Variants in MINDY4 observed in about 807,000 individuals in gnomAD.
The protein encoded by MINDY4 is MINDY lysine 48 deubiquitinase 4.
MINDY4 carries 68 observed loss-of-function variants against 87.0 expected under a neutral mutation model. The ratio of observed to expected loss-of-function variants is 0.78; its 90% CI spans 0.64 to 0.96. The LOEUF (loss-of-function observed/expected upper bound fraction) is 0.96. Among genes scored for constraint, MINDY4 ranks in the 40% least tolerant of loss-of-function variants. The pLI is 0.00. For missense variants in MINDY4, 919 were observed against 928.2 expected (o/e 0.99, Z 0.13); for synonymous variants, 379 against 363.2 (o/e 1.04, Z -0.50).
intron 5 of MINDY4, among the ~76,000 whole-genome samples, chr7:30,812,345 G>A (rs1353838483): frequency 6.6e-6 from 1 of 152,006 alleles, no homozygotes; most frequent in Non-Finnish European, 1.5e-5. Flanking sequence ...GTCACTATAA[G>A]TGAAGGGTAT....
At chr7:30,776,752 G>A (rs1786830333) in intron 1 of MINDY4, among the ~76,000 whole-genome samples, 1 of 152,178 alleles carries the variant, frequency 6.6e-6, no homozygotes, top group Non-Finnish European at 1.5e-5. Flanking sequence ...CTCCCTCGTA[G>A]TGCATATTAG....
At chr7:30,853,113 C>T (rs1283951899) in intron 11 of MINDY4, among the ~76,000 whole-genome samples, 1 of 152,212 alleles carries the variant, frequency 6.6e-6, no homozygotes, top group African/African-American at 2.4e-5. Context: ...GCAGCCCTCC[C>T]CTGTTGGGGC....
intron 5 of MINDY4, among the ~76,000 whole-genome samples, chr7:30,812,025 TC>T (rs933558823): frequency 6.6e-6 from 1 of 152,210 alleles, no homozygotes; most frequent in African/African-American, 2.4e-5. Flanking sequence ...GATTTATTAT[TC>T]TTCTTTTTAA....
At chr7:30,776,519 CTTG>C (rs764083525) in intron 1 of MINDY4, among the ~76,000 whole-genome samples, 15 of 152,308 alleles carry the variant, frequency 9.8e-5, no homozygotes, top group South Asian at 4.1e-4. Context: ...TCATACTATA[CTTG>C]TTGTCTCTCC....
intron 5 of MINDY4, among the ~76,000 whole-genome samples, chr7:30,812,242 A>G (rs1278639597): frequency 7.1e-6 from 1 of 140,494 alleles, no homozygotes; most frequent in Non-Finnish European, 1.5e-5. Flanking sequence ...ATCGTTCAGC[A>G]AAAAGAAAAA....
At chr7:30,840,656 G>A (rs1401796678) in intron 8 of MINDY4, 104 bp from the exon 9 acceptor site, 1 of 874,108 alleles carries the variant, frequency 1.1e-6, no homozygotes, top group Admixed American at 2.3e-5. Flanking sequence ...CAGAAGGCAG[G>A]GCCCCTTTAC....
intron 6 of MINDY4, among the ~76,000 whole-genome samples, chr7:30,832,609 A>C (rs1788738823): frequency 6.6e-6 from 1 of 152,074 alleles, no homozygotes; most frequent in South Asian, 2.1e-4. Context: ...TCCTGGGTTC[A>C]AGTGATTCTC....
chr7:30,795,735 G>A (rs1283936108), intron 5 of MINDY4, among the ~76,000 whole-genome samples: 3 of 152,176 alleles, frequency 2.0e-5, no homozygotes, highest in South Asian at 4.1e-4. Flanking sequence ...ATTCCTTCTG[G>A]AGCCTCTAGG....
intron 5 of MINDY4, among the ~76,000 whole-genome samples, chr7:30,828,319 TG>T (rs1279441388): frequency 1.4e-5 from 1 of 73,720 alleles, no homozygotes; most frequent in African/African-American, 8.6e-5. Context: ...GAACTCGATT[TG>T]TGTGTGTGTG....
intron 2 of MINDY4, 104 bp downstream of exon 2, chr7:30,778,655 G>C: frequency 7.3e-7 from 1 of 1,360,606 alleles, no homozygotes; most frequent in Non-Finnish European, 1.0e-6. Flanking sequence ...AGGTTCTCCT[G>C]GCCTGTCACA....
chr7:30,852,341 A>G, intron 11 of MINDY4, 62 bp downstream of exon 11: 2 of 1,611,522 alleles, frequency 1.2e-6, no homozygotes, highest in Non-Finnish European at 8.5e-7. Flanking sequence ...GTCTCCTTTC[A>G]TATAAGTAAA....
intron 13 of MINDY4, among the ~76,000 whole-genome samples, chr7:30,870,390 C>T (rs1790066268): frequency 6.6e-6 from 1 of 152,220 alleles, no homozygotes; most frequent in Non-Finnish European, 1.5e-5. Flanking sequence ...ATTCTTCTGC[C>T]TGAGCTAGCG....
chr7:30,771,995 G>A (rs1458564108), intron 1 of MINDY4, among the ~76,000 whole-genome samples: 1 of 152,286 alleles, frequency 6.6e-6, no homozygotes, highest in Non-Finnish European at 1.5e-5. Flanking sequence ...GCCCAGAAAA[G>A]TTCTTGACGG....
chr7:30,891,723 T>TCACC (rs1790797666), intron 17 of MINDY4, among the ~76,000 whole-genome samples: 2 of 152,114 alleles, frequency 1.3e-5, no homozygotes, highest in African/African-American at 4.8e-5. Context: ...AAAGAATGCA[T>TCACC]CACCTGCCGC....
Position 30,882,195 on chromosome 7 carries a change from G to A in MINDY4, c.1986G>A (p.Leu662=), listed in dbSNP as rs752777915. The change falls in exon 16 of 18, where the codon CTG becomes CTA. Residue 662 remains leucine (L), a synonymous_variant. Coordinates refer to ENST00000265299, the MANE Select transcript of MINDY4 (RefSeq NM_032222.3). ...HYNMCQVGCF[L]KTPRFPIWVV... is the part of the protein sequence containing the mutation. ...CCCTCATCCAGGTTGGCTGCTTCCT[G>A]AAGACCCCGAGGTTCCCCATCTGGG... is the stretch of plus-strand genomic sequence containing the variant. 15 of 1,608,362 alleles carry A rather than the reference G, an allele frequency of 9.3e-6. No homozygotes were observed. Among genetic ancestry groups the A allele is most frequent in the Non-Finnish European group, 1.3e-5 (15 of 1,175,730 alleles).
At chr7:30,878,970 C>T (rs1790372945) in intron 15 of MINDY4, among the ~76,000 whole-genome samples, 1 of 152,200 alleles carries the variant, frequency 6.6e-6, no homozygotes, top group South Asian at 2.1e-4. Context: ...CTCCTGTCCC[C>T]ATCGCTTTCC....
At position 30,773,558 on chromosome 7, in the gene MINDY4, C is replaced by T. The variant is rs147225713; in HGVS notation, c.63+2002C>T. ...GAACTCACCAAGTGTGGTCTTCCCT[C>T]GGGGGAGTCATGATAGTCTCCTGGA... is the stretch of plus-strand genomic sequence containing the variant. On this transcript the variant is annotated intron_variant, in intron 1 of 17. Transcript: ENST00000265299. 4.3e-3 allele frequency among the ~76,000 whole-genome samples: 648 copies of T among 152,214 alleles called. 6 individuals are homozygous for T. The highest frequency in any genetic ancestry group is 0.015 in the African/African-American group (609 of 41,518).
chr7:30,859,672 C>G (rs996223866), intron 13 of MINDY4, among the ~76,000 whole-genome samples: 2 of 152,200 alleles, frequency 1.3e-5, no homozygotes, highest in Non-Finnish European at 2.9e-5. Context: ...GGCTGAGACC[C>G]AGGAGATGGC....
At chr7:30,781,664 CA>C (rs894175018) in intron 2 of MINDY4, 13 of 271,884 alleles carry the variant, frequency 4.8e-5, no homozygotes, top group African/African-American at 2.9e-4. Flanking sequence ...TTCCTTGGAG[CA>C]AAAAATGAAG....
Sources: gnomAD v4.1 joint callset for allele counts (sites outside exome capture counted in the v4.1 genomes callset) on GRCh38, gnomAD v4.1.1 for gene constraint, MANE v1.5 for transcripts, NCBI Gene and HGNC (gene_info 2026-07-23, HGNC 2026-07-21) for gene names.